RGSL1: variants seen among roughly 807,000 people sequenced by gnomAD.
The protein encoded by RGSL1 is regulator of G protein signaling like 1.
A neutral mutation model predicts 124.7 loss-of-function variants in RGSL1; 97 were observed. That is an observed-to-expected ratio of 0.78 (90% CI 0.66 to 0.92). The LOEUF (loss-of-function observed/expected upper bound fraction) is 0.92. Ranked by LOEUF, RGSL1 falls within the 40% of genes least tolerant of loss-of-function variation. The pLI, the probability that RGSL1 is intolerant of heterozygous loss-of-function variation, is 0.00. For synonymous variants in RGSL1, 424 were observed against 438.1 expected (o/e 0.97, Z 0.40); for missense variants, 1,233 against 1,288.4 (o/e 0.96, Z 0.66).
At chr1:182,521,136 C>T (rs1198582787) in intron 9 of RGSL1, among the ~76,000 whole-genome samples, 1 of 152,208 alleles carries the variant, frequency 6.6e-6, no homozygotes, top group Non-Finnish European at 1.5e-5. Context: ...GTGGTGTCAT[C>T]ATAGCTCACT....
intron 6 of RGSL1, among the ~76,000 whole-genome samples, chr1:182,475,920 G>T (rs1654256006): frequency 6.6e-6 from 1 of 152,154 alleles, no homozygotes; most frequent in African/African-American, 2.4e-5. Context: ...ATGCTTCTTA[G>T]CACTCCCAAG....
At chr1:182,526,789 CAT>C (rs148663182) in intron 10 of RGSL1, among the ~76,000 whole-genome samples, 1,864 of 152,216 alleles carry the variant, frequency 0.012, 27 homozygotes, top group African/African-American at 0.035. Context: ...ATCTAAGACA[CAT>C]GTGTGATTTT....
Position 182,472,539 on chromosome 1 carries a change from C to T in RGSL1, c.445C>T (p.Leu149Phe). 1 of 1,535,694 alleles carries T rather than the reference C, an allele frequency of 6.5e-7. No individual in the cohort carries two copies. Among genetic ancestry groups the T allele is most frequent in the Non-Finnish European group, 8.8e-7 (1 of 1,136,640 alleles). The change falls in exon 5 of 22, where the codon CTC (leucine) becomes TTC (phenylalanine). Residue 149 changes from leucine to phenylalanine, a missense_variant. Coordinates refer to ENST00000294854, the MANE Select transcript of RGSL1 (RefSeq NM_001137669.2). ...GCAGGAGGGCTCCAGGGTGGTAACC[C>T]TCTGTAACATGAACATCAGTAAGAA... ...HLQEGSRVVT[L>F]CNMNIKSLLN... is the part of the protein sequence containing the mutation.
intron 10 of RGSL1, among the ~76,000 whole-genome samples, chr1:182,526,057 A>G (rs544376237): frequency 1.4e-4 from 21 of 152,334 alleles, no homozygotes; most frequent in African/African-American, 4.8e-4. Context: ...GAAAATGTGA[A>G]TAAATCTATA....
intron 15 of RGSL1, among the ~76,000 whole-genome samples, chr1:182,543,970 T>A (rs1218253490): frequency 6.6e-6 from 1 of 152,050 alleles, no homozygotes; most frequent in Non-Finnish European, 1.5e-5. Flanking sequence ...GTTTCATTAA[T>A]CTTCTGTATT....
Position 182,514,673 on chromosome 1 carries a change from A to G in RGSL1, c.1826-7331A>G, listed in dbSNP as rs190316225. On this transcript the variant is annotated intron_variant, in intron 9 of 21. Transcript: ENST00000294854. ...ATTCACCAGGCATCTGTTGGAGGGC[A>G]AGAGTGAGACTGGGGCTTGTCTACA... 1.4e-3 allele frequency among the ~76,000 whole-genome samples: 207 copies of G among 152,332 alleles called. 1 individual carries two copies. Among genetic ancestry groups the G allele is most frequent in the Middle Eastern group, 6.8e-3 (2 of 294 alleles).
At chr1:182,480,522 C>A (rs1339978727) in intron 6 of RGSL1, among the ~76,000 whole-genome samples, 1 of 150,794 alleles carries the variant, frequency 6.6e-6, no homozygotes, top group African/African-American at 2.4e-5. Context: ...GTGGCGCAAT[C>A]TTGGCTCACT....
intron 15 of RGSL1, among the ~76,000 whole-genome samples, chr1:182,547,087 CTTG>C (rs1473398269): frequency 6.6e-6 from 1 of 152,190 alleles, no homozygotes; most frequent in East Asian, 1.9e-4. Flanking sequence ...TCCACAGATG[CTTG>C]TTGATTGCTC....
rs569217181 is a variant in RGSL1 at position 182,468,141 on chromosome 1, G to C, written c.302-4255G>C. Among the ~76,000 whole-genome samples the C allele has an allele frequency of 2.4e-4, 36 of 152,222 alleles. 1 individual carries two copies. The highest frequency in any genetic ancestry group is 1.0e-3 in the South Asian group (5 of 4,830). The stretch of plus-strand genomic sequence containing the variant: ...CAACAGGTGCTGGAGAGGATGTGGA[G>C]AAATAGGAACACTTTACGCTGTTGG... On this transcript the variant is annotated intron_variant, in intron 4 of 21. Coordinates refer to ENST00000294854, the MANE Select transcript of RGSL1 (RefSeq NM_001137669.2).
At chr1:182,533,045 T>G (rs1164345883) in intron 14 of RGSL1, among the ~76,000 whole-genome samples, 1 of 152,178 alleles carries the variant, frequency 6.6e-6, no homozygotes, top group Non-Finnish European at 1.5e-5. Flanking sequence ...TTTTACAAAA[T>G]AATTTCCTTA....
At chr1:182,528,749 C>A (rs1488996400) in intron 11 of RGSL1, among the ~76,000 whole-genome samples, 1 of 152,160 alleles carries the variant, frequency 6.6e-6, no homozygotes, top group African/African-American at 2.4e-5. Flanking sequence ...AGGGTACAGC[C>A]CAACTCCCAG....
At chr1:182,488,806 G>T in intron 7 of RGSL1, 174 bp from the exon 8 acceptor site, 5 of 460,070 alleles carry the variant, frequency 1.1e-5, no homozygotes, top group East Asian at 3.8e-5. Context: ...AAATGAGTTT[G>T]ATTAGAAAAG....
intron 9 of RGSL1, among the ~76,000 whole-genome samples, chr1:182,503,474 A>G (rs1450851079): frequency 6.6e-6 from 1 of 152,026 alleles, no homozygotes. Context: ...AGCCAGGCAC[A>G]GAAAGACAAA....
intron 10 of RGSL1, among the ~76,000 whole-genome samples, chr1:182,526,391 G>A (rs185551): frequency 0.86 from 131,570 of 152,204 alleles, 57,192 homozygotes; most frequent in Non-Finnish European, 0.89. Flanking sequence ...TCAGTGGCCA[G>A]GCATGGTGGC....
chr1:182,552,789 AAG>A (rs1660648207), intron 18 of RGSL1, among the ~76,000 whole-genome samples: 1 of 152,246 alleles, frequency 6.6e-6, no homozygotes, highest in African/African-American at 2.4e-5. Flanking sequence ...GCAGAAGGGC[AAG>A]AGAGTGTGAG....
chr1:182,462,227 A>G (rs1447547198), intron 4 of RGSL1, among the ~76,000 whole-genome samples: 1 of 152,184 alleles, frequency 6.6e-6, no homozygotes, highest in Admixed American at 6.5e-5. Flanking sequence ...AAGTTCTAAA[A>G]GAAAAAAAAA....
At chr1:182,502,909 GC>G (rs1571587597) in intron 9 of RGSL1, among the ~76,000 whole-genome samples, 2 of 152,100 alleles carry the variant, frequency 1.3e-5, no homozygotes, top group Non-Finnish European at 2.9e-5. Flanking sequence ...TTTTCAAGGT[GC>G]CCAACCTCAT....
intron 1 of RGSL1, among the ~76,000 whole-genome samples, chr1:182,451,772 T>G (rs190553197): frequency 5.2e-4 from 78 of 149,038 alleles, no homozygotes; most frequent in African/African-American, 1.8e-3. Flanking sequence ...GCAGTACGTG[T>G]AGGGTGGTTG....
chr1:182,528,440 T>A lies in RGSL1; in HGVS notation c.2125+668T>A, dbSNP rs962468090. 5.3e-5 allele frequency among the ~76,000 whole-genome samples: 8 copies of A among 152,164 alleles called. 1 individual carries two copies. The highest frequency in any genetic ancestry group is 1.9e-4 in the East Asian group (1 of 5,174). On this transcript the variant is annotated intron_variant, in intron 11 of 21. Transcript: ENST00000294854. ...TCCAGCATTAAGTCCAAGTCCAAAGTCTCATCTGAGATAAGGCAAGTCCCT... is the reference window on the plus strand; with the variant it reads ...TCCAGCATTAAGTCCAAGTCCAAAGACTCATCTGAGATAAGGCAAGTCCCT...
Sources: allele counts gnomAD v4.1 joint callset (sites outside exome capture counted in the v4.1 genomes callset), GRCh38; gene constraint gnomAD v4.1.1; transcripts MANE v1.5; gene names NCBI Gene and HGNC (gene_info 2026-07-23, HGNC 2026-07-21).